Variants in FAM222A observed in about 807,000 individuals in gnomAD.
The protein encoded by FAM222A is family with sequence similarity 222 member A.
In FAM222A, 7 loss-of-function variants were observed where a neutral mutation model predicts 25.8. The ratio of observed to expected loss-of-function variants is 0.27; its 90% CI spans 0.15 to 0.51. The LOEUF is 0.51. Ranked by LOEUF, FAM222A falls within the 20% of genes least tolerant of loss-of-function variation. The probability of loss-of-function intolerance (pLI) is 0.97; values close to 1 mark genes in which losing one functional copy is unlikely to be tolerated. For missense variants in FAM222A, 573 were observed against 640.5 expected (o/e 0.89, Z 1.14); for synonymous variants, 294 against 298.8 (o/e 0.98, Z 0.17).
intron 2 of FAM222A, among the ~76,000 whole-genome samples, chr12:109,749,681 C>T (rs904210889): frequency 2.0e-5 from 3 of 152,146 alleles, no homozygotes; most frequent in Non-Finnish European, 2.9e-5. Flanking sequence ...GAACTAGACA[C>T]CTACTGCTAA....
At chr12:109,720,237 T>C in intron 1 of FAM222A, 1 of 969,716 alleles carries the variant, frequency 1.0e-6, no homozygotes, top group South Asian at 4.8e-5. Context: ...GACAAAGGCC[T>C]GGGAGGTCAG....
At chr12:109,728,761 G>C (rs1366178118) in intron 1 of FAM222A, among the ~76,000 whole-genome samples, 1 of 152,224 alleles carries the variant, frequency 6.6e-6, no homozygotes, top group Non-Finnish European at 1.5e-5. Context: ...ATCCAGTCCA[G>C]CCCTCAGAGA....
At chr12:109,758,190 C>T (rs975512199) in intron 2 of FAM222A, among the ~76,000 whole-genome samples, 1 of 152,176 alleles carries the variant, frequency 6.6e-6, no homozygotes, top group Non-Finnish European at 1.5e-5. Flanking sequence ...CACATGTGAG[C>T]ATCTCAGCAC....
chr12:109,733,168 C>T (rs1887988875), intron 1 of FAM222A, among the ~76,000 whole-genome samples: 1 of 151,994 alleles, frequency 6.6e-6, no homozygotes, highest in Admixed American at 6.5e-5. Context: ...CCACAGGTGG[C>T]ATTGAACATT....
chr12:109,743,105 C>T (rs1218234094), intron 1 of FAM222A, among the ~76,000 whole-genome samples: 1 of 152,084 alleles, frequency 6.6e-6, no homozygotes, highest in African/African-American at 2.4e-5. Flanking sequence ...GGAAGATGGA[C>T]ATCAGGGGTG....
At chr12:109,724,684 C>G (rs1887809478) in intron 1 of FAM222A, among the ~76,000 whole-genome samples, 1 of 152,202 alleles carries the variant, frequency 6.6e-6, no homozygotes, top group African/African-American at 2.4e-5. Context: ...CTCTCTGTGC[C>G]TCAGTTTCTT....
chr12:109,720,011 C>T (rs1254034360), intron 1 of FAM222A: 1 of 805,238 alleles, frequency 1.2e-6, no homozygotes, highest in African/African-American at 1.9e-5. Flanking sequence ...TCCTCTTGTT[C>T]AGGAGAGTCT....
chr12:109,754,777 C>T (rs1888669754), intron 2 of FAM222A, among the ~76,000 whole-genome samples: 2 of 152,110 alleles, frequency 1.3e-5, no homozygotes, highest in South Asian at 4.2e-4. Context: ...CAGTGATACT[C>T]CCACCTCAGC....
At chr12:109,715,163 A>G (rs1887619057) in intron 1 of FAM222A, among the ~76,000 whole-genome samples, 1 of 152,112 alleles carries the variant, frequency 6.6e-6, no homozygotes, top group Admixed American at 6.5e-5. Flanking sequence ...TAAAGCTAAC[A>G]AAGGTATTGG....
rs764797403 is a variant in FAM222A at position 109,768,300 on chromosome 12, G to C, written c.371G>C (p.Ser124Thr). The C allele has an allele frequency of 6.2e-7, 1 of 1,607,456 alleles. No individual in the cohort carries two copies. The highest frequency in any genetic ancestry group is 8.5e-7 in the Non-Finnish European group (1 of 1,177,790). Reference sequence around the variant, plus strand: ...GCCGCACCAGCTGGGCCCGCCAAAAGTGTGCTCAAGAGCGCCGAGGGCAAG... The same window carrying C: ...GCCGCACCAGCTGGGCCCGCCAAAACTGTGCTCAAGAGCGCCGAGGGCAAG... ...STAAPAGPAK[S>T]VLKSAEGKRT... Residue 124 changes from serine to threonine, a missense_variant, in exon 3 of 3, where the codon AGT becomes ACT. By Grantham distance (58) the Ser-to-Thr change is moderately conservative. Around this residue, in one of 3 missense-constraint regions of FAM222A, gnomAD observed 412 missense variants for 407.0 expected, o/e 1.01. Coordinates refer to ENST00000538780, the MANE Select transcript of FAM222A (RefSeq NM_032829.3).
rs1399294479 is a variant in FAM222A at position 109,769,793 on chromosome 12, G to A, written c.*505G>A. 6.1e-6 allele frequency: 1 copy of A among 162,740 alleles called. No individual in the cohort carries two copies. The highest frequency in any genetic ancestry group is 2.4e-5 in the African/African-American group (1 of 41,552). The allele number at this position is 162,740 out of a possible 1,614,324, so 10.1% of individuals were successfully genotyped here. ...GATAGGAAGTCACTGGGCCCAAAGT[G>A]TCTCCCCACCAGCCAGGTGAAGACC... On this transcript the variant is annotated 3_prime_UTR_variant, in exon 3 of 3. Coordinates refer to ENST00000538780, the MANE Select transcript of FAM222A (RefSeq NM_032829.3).
intron 1 of FAM222A, among the ~76,000 whole-genome samples, chr12:109,731,026 C>A (rs1185919851): frequency 6.6e-6 from 1 of 152,116 alleles, no homozygotes; most frequent in African/African-American, 2.4e-5. Flanking sequence ...TTTCTACTTC[C>A]ATGTTTCATA....
chr12:109,744,031 C>CG, intron 1 of FAM222A, 70 bp from the exon 2 acceptor site: 1 of 1,463,938 alleles, frequency 6.8e-7, no homozygotes, highest in African/African-American at 1.4e-5. Flanking sequence ...GGGAGACTCC[C>CG]GGGGGGAATG....
chr12:109,728,185 A>G (rs1887877625), intron 1 of FAM222A, among the ~76,000 whole-genome samples: 1 of 152,182 alleles, frequency 6.6e-6, no homozygotes, highest in Non-Finnish European at 1.5e-5. Context: ...TATGAGCTAC[A>G]GCAGTGGGTG....
At chr12:109,716,215 C>T (rs1381646331) in intron 1 of FAM222A, among the ~76,000 whole-genome samples, 1 of 152,204 alleles carries the variant, frequency 6.6e-6, no homozygotes, top group African/African-American at 2.4e-5. Context: ...CCCAGAGAAC[C>T]CCCAGCAAGC....
At chr12:109,763,783 A>G (rs576298539) in intron 2 of FAM222A, among the ~76,000 whole-genome samples, 1 of 152,334 alleles carries the variant, frequency 6.6e-6, no homozygotes, top group African/African-American at 2.4e-5. Context: ...CATGAATACC[A>G]GGAGGTATAA....
intron 2 of FAM222A, among the ~76,000 whole-genome samples, chr12:109,760,998 A>G (rs534619222): frequency 5.3e-5 from 8 of 152,142 alleles, no homozygotes; most frequent in Admixed American, 3.9e-4. Context: ...CAACCCCACA[A>G]CCATGCCCCC....
chr12:109,732,875 C>T (rs2136326942), intron 1 of FAM222A, among the ~76,000 whole-genome samples: 1 of 152,408 alleles, frequency 6.6e-6, no homozygotes, highest in African/African-American at 2.4e-5. Flanking sequence ...ACCCTGAGTG[C>T]CTACTGTGTG....
intron 2 of FAM222A, among the ~76,000 whole-genome samples, chr12:109,757,029 A>G (rs942102384): frequency 9.2e-5 from 14 of 152,170 alleles, no homozygotes; most frequent in African/African-American, 3.4e-4. Context: ...TTATAGGTCT[A>G]TTCAGATTTT....
Sources: gnomAD v4.1 joint callset for allele counts (sites outside exome capture counted in the v4.1 genomes callset) on GRCh38, gnomAD v4.1.1 for gene constraint, gnomAD v4.1.1 regional missense constraint, MANE v1.5 for transcripts, NCBI Gene and HGNC (gene_info 2026-07-23, HGNC 2026-07-21) for gene names.